Variants in OBSL1 observed in about 807,000 individuals in gnomAD.
OBSL1 encodes the protein obscurin-like protein 1.
OBSL1 carries 160 observed loss-of-function variants against 172.0 expected under a neutral mutation model. The observed-to-expected ratio is 0.93, with a 90% CI of 0.82 to 1.06. The LOEUF (loss-of-function observed/expected upper bound fraction) is 1.06, where lower values mean the gene tolerates loss of function less well. OBSL1 is among the 50% of genes least tolerant of loss of function. The probability of loss-of-function intolerance (pLI) is 0.00; values close to 1 mark genes in which losing one functional copy is unlikely to be tolerated. For missense variants in OBSL1, 2,681 were observed against 2,715.4 expected, an observed-to-expected ratio of 0.99 and a Z score of 0.28; for synonymous variants, 1,200 against 1,196.3, an observed-to-expected ratio of 1.00 and a Z score of -0.06.
chr2:219,552,753 G>A (rs1040353677), intron 17 of OBSL1, 56 bp from the exon 18 acceptor site: 4 of 1,511,406 alleles, frequency 2.6e-6, no homozygotes, highest in Non-Finnish European at 2.7e-6. Flanking sequence ...TACCGGTCAC[G>A]CCCCCTCCAC....
chr2:219,549,741 C>G, downstream of OBSL1: 1 of 1,613,992 alleles, frequency 6.2e-7, no homozygotes, highest in Non-Finnish European at 8.5e-7. Context: ...CTTCCGAGAC[C>G]GGCAGACCGG....
intron 8 of OBSL1, among the ~76,000 whole-genome samples, chr2:219,562,166 C>G (rs992872557): frequency 1.8e-4 from 28 of 152,202 alleles, no homozygotes; most frequent in African/African-American, 6.5e-4. Context: ...GTGCCTGATT[C>G]AGGGAAAGTG....
In OBSL1 at chr2:219,571,274, A is replaced by AGGG. The variant is rs747020402; in HGVS notation, c.-45_-43dup. 3.9e-5 allele frequency: 18 copies of AGGG among 461,952 alleles called. No individual in the cohort carries two copies. In the African/African-American group the frequency reaches 4.1e-4, roughly 10 times the overall value. The allele number at this position is 461,952 out of a possible 1,614,324, so 28.6% of individuals were successfully genotyped here. On this transcript the variant is annotated 5_prime_UTR_variant, in exon 1 of 21. Coordinates refer to ENST00000404537, the MANE Select transcript of OBSL1 (RefSeq NM_015311.3). ...CTGCAGCGGCGAACGGTGGGGGGGCAGGGGGGGGTGCGGAGGGCGAGCCGA... is the reference window on the plus strand; with the variant it reads ...CTGCAGCGGCGAACGGTGGGGGGGCAGGGGGGGGGGGTGCGGAGGGCGAGCCGA...
At chr2:219,558,482 G>C in intron 9 of OBSL1, 23 bp from the exon 10 acceptor site, 12 of 1,540,600 alleles carry the variant, frequency 7.8e-6, no homozygotes, top group Non-Finnish European at 1.0e-5. Context: ...CATGGAGAGG[G>C]GCACATAGGC....
At position 219,568,042 on chromosome 2, in the gene OBSL1, C is replaced by T. The variant is rs767727544; in HGVS notation, c.1282+13G>A. On this transcript the variant is annotated intron_variant, in intron 2 of 20. Transcript: ENST00000404537. This position sits in a 1 kb window ranked among gnomAD's most constrained non-coding sequence, Gnocchi z 4.1. The stretch of plus-strand genomic sequence containing the variant: ...TGCCTCCGCCTCAGCCTCTTCCCCA[C>T]GGGCCAGCTGACCTTTGACTGTGAC... 2.7e-5 allele frequency: 43 copies of T among 1,608,434 alleles called. No individual in the cohort carries two copies. Among genetic ancestry groups the T allele is most frequent in the Middle Eastern group, 3.3e-4 (2 of 6,070 alleles).
In OBSL1 at chr2:219,552,598, C is replaced by T; in HGVS notation, c.5246G>A (p.Gly1749Glu). The change falls in exon 18 of 21, where the codon GGG becomes GAG. Residue 1749 changes from glycine to glutamate, a missense_variant. Physicochemically the swap from Gly to Glu is moderately conservative, Grantham distance 98. Transcript: ENST00000404537. ...CGGGCGGCCTCCGAGCTCCCAGCGC[C>T]CCGTGGTCTCGACCTCCGACACGGT... ...ECTVSEVETTGRWELGGRPLR... is the reference protein window; with the variant it reads ...ECTVSEVETTERWELGGRPLR... The T allele has an allele frequency of 6.3e-7, 1 of 1,582,400 alleles. No homozygotes were observed. The highest frequency in any genetic ancestry group is 1.3e-5 in the African/African-American group (1 of 74,692).
At chr2:219,569,180 G>A (rs140330413) in intron 1 of OBSL1, 1 of 152,122 alleles carries the variant, frequency 6.6e-6, no homozygotes, top group Non-Finnish European at 1.5e-5. Flanking sequence ...TATGCAACTC[G>A]GGGAAGCTCC....
At chr2:219,551,893 C>A in intron 19 of OBSL1, 95 bp from the exon 20 acceptor site, 10 of 900,842 alleles carry the variant, frequency 1.1e-5, no homozygotes, top group Admixed American at 6.8e-5. Flanking sequence ...CCACTCCTGG[C>A]CTTAGCCCTC....
Position 219,552,692 on chromosome 2 carries a change from T to C in OBSL1, c.5152A>G (p.Thr1718Ala), listed in dbSNP as rs1036705483. ...CGCAGCTCGGAGAGTACCGCCACAG[T>C]ACGCTCTGGGGCGGAGCCCGGGGCG... ...GPVRLTVRER[T>A]VAVLSELRSV... Residue 1718 changes from threonine to alanine, a missense_variant, in exon 18 of 21, where the codon ACT becomes GCT. Coordinates refer to ENST00000404537, the MANE Select transcript of OBSL1 (RefSeq NM_015311.3). The C allele has an allele frequency of 6.5e-6, 10 of 1,528,306 alleles. No individual in the cohort carries two copies. Among genetic ancestry groups the C allele is most frequent in the Non-Finnish European group, 7.9e-6 (9 of 1,139,986 alleles). 94.7% of individuals were successfully genotyped at this position (1,528,306 alleles called of 1,614,324 possible).
chr2:219,551,375 GT>G, intron 20 of OBSL1, 153 bp downstream of exon 20: 1 of 1,370,094 alleles, frequency 7.3e-7, no homozygotes, highest in Non-Finnish European at 9.6e-7. Context: ...AGCCCTGGGT[GT>G]GCTCTACCCC....
rs1231716913 is a variant in OBSL1 at position 219,562,819 on chromosome 2, TACTC to T, written c.2681-149_2681-146del. The T allele has an allele frequency of 7.4e-5, 60 of 808,792 alleles. 1 individual carries two copies. In the South Asian group the frequency reaches 9.5e-4, roughly 13 times the overall value. The allele number at this position is 808,792 out of a possible 1,614,324, so 50.1% of individuals were successfully genotyped here. A position where few individuals can be genotyped will look rare whatever the true frequency, so the allele number is the denominator to read the frequency against. On this transcript the variant is annotated intron_variant, in intron 7 of 20. Coordinates refer to ENST00000404537, the MANE Select transcript of OBSL1 (RefSeq NM_015311.3). ...ACCAAATCTCACAGCAGCTGACAGT[TACTC>T]ACAGCTAGAGACACACGAATACAGC...
At position 219,554,686 on chromosome 2, in the gene OBSL1, C is replaced by T; in HGVS notation, c.4664G>A (p.Gly1555Asp). 1.3e-6 allele frequency: 2 copies of T among 1,590,198 alleles called. No homozygotes were observed. Among genetic ancestry groups the T allele is most frequent in the Non-Finnish European group, 1.7e-6 (2 of 1,168,238 alleles). The change falls in exon 15 of 21, where the codon GGC becomes GAC. Residue 1555 changes from glycine (G) to aspartate (D), a missense_variant. By Grantham distance (94) the Gly-to-Asp change is moderately conservative. Around this residue, in one of 5 missense-constraint regions of OBSL1, gnomAD observed 1,765 missense variants for 1,748.3 expected, o/e 1.01. Transcript: ENST00000404537. Reference sequence around the variant, plus strand: ...CAGCTCCAGCTGGAAGGTGGCACTGCCCCCCTCACTGATGGTCACGTCCTC... The same window carrying T: ...CAGCTCCAGCTGGAAGGTGGCACTGTCCCCCTCACTGATGGTCACGTCCTC... ...PLEDVTISEG[G>D]SATFQLELSQ...
intron 7 of OBSL1, 98 bp from the exon 8 acceptor site, chr2:219,562,772 G>A: frequency 7.5e-7 from 1 of 1,333,624 alleles, no homozygotes; most frequent in Non-Finnish European, 1.0e-6. Context: ...TAGGCCATGT[G>A]TTGAAGAGGG....
In OBSL1 at chr2:219,565,519, G is replaced by A. The variant is rs1172208918; in HGVS notation, c.2135-5C>T. ...TCAGGATGTGCACCGGGCTCTCTGT[G>A]TGGGGAGAAGTACAGATAAGCACCC... is the stretch of plus-strand genomic sequence containing the variant. On this transcript the variant is annotated splice_polypyrimidine_tract_variant and splice_region_variant and intron_variant, in intron 5 of 20. Transcript: ENST00000404537. 1 of 1,604,072 alleles carries A rather than the reference G, an allele frequency of 6.2e-7. No homozygotes were observed. Among genetic ancestry groups the A allele is most frequent in the East Asian group, 2.2e-5 (1 of 44,868 alleles).
At position 219,566,844 on chromosome 2, in the gene OBSL1, G is replaced by A; in HGVS notation, c.2120C>T (p.Ala707Val). The change falls in exon 5 of 21, where the codon GCC becomes GTC. Residue 707 changes from alanine to valine, a missense_variant. By Grantham distance (64) the Ala-to-Val change is moderately conservative. Around this residue, in one of 5 missense-constraint regions of OBSL1, gnomAD observed 1,765 missense variants for 1,748.3 expected, o/e 1.01. Transcript: ENST00000404537. ...FSCPGVQDSA[A>V]LTIQESPVHI... is the part of the protein sequence containing the mutation. ...CTGGCACCAACCTTGGATTGTGAGG[G>A]CAGCTGAGTCCTGCACGCCGGGGCA... 1.9e-6 allele frequency: 3 copies of A among 1,582,856 alleles called. No homozygotes were observed. Among genetic ancestry groups the A allele is most frequent in the Non-Finnish European group, 2.6e-6 (3 of 1,157,590 alleles).
downstream of OBSL1, chr2:219,549,900 C>T (rs200048422): frequency 1.1e-5 from 17 of 1,591,414 alleles, 1 homozygote; most frequent in Middle Eastern, 1.7e-4. Context: ...TCTGCCAGCT[C>T]GAGGAGGCCT....
In OBSL1 at chr2:219,559,333, C is replaced by T. The variant is rs778964354; in HGVS notation, c.3118G>A (p.Asp1040Asn). 31 of 1,614,020 alleles carry T rather than the reference C, an allele frequency of 1.9e-5. No homozygotes were observed. In the East Asian group the frequency reaches 4.9e-4, roughly 26 times the overall value. Residue 1040 changes from aspartate (D) to asparagine (N), a missense_variant, in exon 9 of 21, where the codon GAT becomes AAT. Physicochemically the swap from Asp to Asn is conservative, Grantham distance 23 (BLOSUM62 1). This residue lies in a region of OBSL1 where 1,765 missense variants were observed against 1,748.3 expected (regional missense o/e 1.01). Transcript: ENST00000404537. ...EESEALVLER[D>N]GPRCRLVLPA... ...AGCACCAGGCGGCAGCGTGGCCCATCCCTCTCCAGCACCAGGGCCTCGCTC... is the reference window on the plus strand; with the variant it reads ...AGCACCAGGCGGCAGCGTGGCCCATTCCTCTCCAGCACCAGGGCCTCGCTC...
intron 7 of OBSL1, 137 bp from the exon 8 acceptor site, chr2:219,562,811 C>A: frequency 4.6e-6 from 4 of 864,840 alleles, no homozygotes; most frequent in Non-Finnish European, 7.0e-6. Context: ...CTCACAGCAG[C>A]TGACAGTTAC....
intron 8 of OBSL1, 43 bp downstream of exon 8, chr2:219,562,359 A>T (rs1389909513): frequency 3.8e-6 from 6 of 1,598,414 alleles, no homozygotes; most frequent in Non-Finnish European, 5.1e-6. Context: ...TCCAGGGCTC[A>T]GGGCTGTCTC....
Sources: gnomAD v4.1 joint callset for allele counts (sites outside exome capture counted in the v4.1 genomes callset) on GRCh38, gnomAD v4.1.1 for gene constraint, gnomAD v4.1.1 regional missense constraint, Gnocchi (gnomAD v3.1) non-coding constraint, MANE v1.5 for transcripts, NCBI Gene and HGNC (gene_info 2026-07-23, HGNC 2026-07-21) for gene names.